The following KIF18A variants were observed in gnomAD, a reference collection of about 807,000 sequenced individuals.
KIF18A encodes kinesin-like protein KIF18A.
A neutral mutation model predicts 103.3 loss-of-function variants in KIF18A; 67 were observed. The ratio of observed to expected loss-of-function variants is 0.65; its 90% confidence interval spans 0.53 to 0.79. The LOEUF is 0.79. KIF18A is among the 30% of genes least tolerant of loss of function. The pLI, the probability that KIF18A is intolerant of heterozygous loss-of-function variation, is 0.00. For synonymous variants in KIF18A, 367 were observed against 355.5 expected (o/e 1.03, Z -0.36); for missense variants, 1,032 against 1,062.5 (o/e 0.97, Z 0.40).
intron 6 of KIF18A, among the ~76,000 whole-genome samples, chr11:28,086,354 C>A (rs1341981830): frequency 2.6e-5 from 4 of 152,058 alleles, no homozygotes; most frequent in African/African-American, 9.7e-5. Context: ...CCTGAAATCA[C>A]TATAGTGTTC....
intron 13 of KIF18A, among the ~76,000 whole-genome samples, chr11:28,058,237 CTGTT>C (rs1268096756): frequency 6.6e-6 from 1 of 151,834 alleles, no homozygotes; most frequent in East Asian, 1.9e-4. Context: ...AAACTCTACA[CTGTT>C]AGTTGATCTT....
Position 28,035,435 on chromosome 11 carries a change from G to A in KIF18A, c.2456C>T (p.Ser819Phe). Residue 819 changes from serine (S) to phenylalanine (F), a missense_variant, in exon 15 of 17, where the codon TCC becomes TTC. Ser to Phe is a radical substitution (Grantham distance 155, BLOSUM62 -2). Coordinates refer to ENST00000263181, the MANE Select transcript of KIF18A (RefSeq NM_031217.4). ...GGCAGCAGTAGTCATTGCCATGTAG[G>A]ATGGCACCATGCTTGGTACAGGCAT... is the stretch of plus-strand genomic sequence containing the variant. Reference protein sequence around the residue: ...HSMPVPSMVPSYMAMTTAAKR... With the variant: ...HSMPVPSMVPFYMAMTTAAKR... 1 of 1,603,330 alleles carries A rather than the reference G, an allele frequency of 6.2e-7. No homozygotes were observed. The highest frequency in any genetic ancestry group is 8.5e-7 in the Non-Finnish European group (1 of 1,173,828).
intron 11 of KIF18A, among the ~76,000 whole-genome samples, chr11:28,064,151 T>C (rs1304293895): frequency 6.6e-6 from 1 of 151,386 alleles, no homozygotes; most frequent in Non-Finnish European, 1.5e-5. Context: ...TATATTTATA[T>C]ATTAAAGTTA....
intron 9 of KIF18A, among the ~76,000 whole-genome samples, chr11:28,081,530 A>C (rs183626474): frequency 6.8e-4 from 104 of 152,224 alleles, no homozygotes; most frequent in African/African-American, 2.3e-3. Context: ...TTACTTAATA[A>C]TTTTAAGCCC....
At chr11:28,072,264 T>G (rs1477414329) in intron 10 of KIF18A, among the ~76,000 whole-genome samples, 1 of 152,210 alleles carries the variant, frequency 6.6e-6, no homozygotes, top group Admixed American at 6.5e-5. Context: ...TAGTTGTTAC[T>G]ACTGCTTTGT....
chr11:28,052,030 C>T (rs1036186732), intron 13 of KIF18A, among the ~76,000 whole-genome samples: 1 of 152,088 alleles, frequency 6.6e-6, no homozygotes, highest in African/African-American at 2.4e-5. Context: ...ATTTCTTTCT[C>T]TCCTATTCCA....
intron 1 of KIF18A, among the ~76,000 whole-genome samples, chr11:28,098,851 AAAAC>A (rs1851409032): frequency 6.6e-6 from 1 of 151,942 alleles, no homozygotes; most frequent in Non-Finnish European, 1.5e-5. Flanking sequence ...CCAAAACAAA[AAAAC>A]AAACAACAAC....
chr11:28,088,896 A>C (rs1851266771), intron 5 of KIF18A, among the ~76,000 whole-genome samples, 175 bp from the exon 6 acceptor site: 1 of 152,230 alleles, frequency 6.6e-6, no homozygotes, highest in Non-Finnish European at 1.5e-5. Flanking sequence ...ATAGCTGAGA[A>C]AAATATAAAA....
intron 16 of KIF18A, 133 bp from the exon 17 acceptor site, chr11:28,021,415 A>T (rs1424817735): frequency 2.6e-6 from 2 of 775,134 alleles, no homozygotes; most frequent in African/African-American, 1.8e-5. Context: ...TAGTTAACAT[A>T]ATTTAAAATA....
intron 13 of KIF18A, among the ~76,000 whole-genome samples, chr11:28,053,624 A>G (rs955939620): frequency 5.4e-5 from 8 of 147,310 alleles, no homozygotes; most frequent in Admixed American, 2.1e-4. Flanking sequence ...ATTTAACATT[A>G]GGTATACCTC....
chr11:28,059,881 T>C (rs549334511), intron 12 of KIF18A, among the ~76,000 whole-genome samples: 1 of 152,054 alleles, frequency 6.6e-6, no homozygotes, highest in Admixed American at 6.5e-5. Context: ...GTATACAACA[T>C]TAAAACACAC....
chr11:28,034,258 T>C (rs927469611), intron 15 of KIF18A, among the ~76,000 whole-genome samples: 42 of 151,918 alleles, frequency 2.8e-4, no homozygotes, highest in African/African-American at 9.6e-4. Context: ...ATGATGTTTT[T>C]TTCTCTTAAT....
In KIF18A at chr11:28,084,727, T is replaced by C. The variant is rs1290445676; in HGVS notation, c.979A>G (p.Ile327Val). ...KDSLGGNCQTIMIAAVSPSSV... is the reference protein window; with the variant it reads ...KDSLGGNCQTVMIAAVSPSSV... ...GAAGGACTAACAGCAGCTATCATTA[T>C]AGTTTGACAGTTTCCTCCAAGAGAA... The change falls in exon 7 of 17, where the codon ATA becomes GTA. Residue 327 changes from isoleucine to valine, a missense_variant. By Grantham distance (29) the Ile-to-Val change is conservative. Transcript: ENST00000263181. 2.5e-6 allele frequency: 4 copies of C among 1,611,804 alleles called. No individual in the cohort carries two copies. Among genetic ancestry groups the C allele is most frequent in the Middle Eastern group, 1.6e-4 (1 of 6,078 alleles).
At chr11:28,041,855 T>C (rs1850564771) in intron 13 of KIF18A, among the ~76,000 whole-genome samples, 3 of 151,912 alleles carry the variant, frequency 2.0e-5, no homozygotes, top group South Asian at 4.1e-4. Context: ...ATATTAATTC[T>C]ACATAAGTAA....
chr11:28,063,845 CAG>C (rs1341122230), intron 11 of KIF18A, among the ~76,000 whole-genome samples: 1 of 151,796 alleles, frequency 6.6e-6, no homozygotes. Context: ...AAGTATTCTT[CAG>C]ATTCTTTTAA....
At chr11:28,046,348 A>G (rs1313686516) in intron 13 of KIF18A, among the ~76,000 whole-genome samples, 1 of 149,790 alleles carries the variant, frequency 6.7e-6, no homozygotes, top group East Asian at 2.0e-4. Context: ...CATATACACC[A>G]TGGAAGACTA....
In KIF18A at chr11:28,059,010, C is replaced by T. The variant is rs146974259; in HGVS notation, c.1864G>A (p.Glu622Lys). 2,904 of 1,613,958 alleles carry T rather than the reference C, an allele frequency of 1.8e-3. 21 individuals are homozygous for T. Among genetic ancestry groups the T allele is most frequent in the Non-Finnish European group, 1.4e-3 (1,703 of 1,179,952 alleles). Reference protein sequence around the residue: ...KVVVWADQTAEQPKQNDLPGI... With the variant: ...KVVVWADQTAKQPKQNDLPGI... ...GGTAGATCGTTTTGCTTTGGTTGTT[C>T]GGCAGTTTGGTCAGCCCAAACTACC... The change falls in exon 13 of 17, where the codon GAA becomes AAA. Residue 622 changes from glutamate (E) to lysine (K), a missense_variant. Coordinates refer to ENST00000263181, the MANE Select transcript of KIF18A (RefSeq NM_031217.4).
At chr11:28,066,217 A>T (rs1398316676) in intron 11 of KIF18A, among the ~76,000 whole-genome samples, 1 of 152,102 alleles carries the variant, frequency 6.6e-6, no homozygotes, top group Non-Finnish European at 1.5e-5. Context: ...ATAAACTATT[A>T]AATAATAAGT....
chr11:28,039,714 T>C (rs1017866276), intron 13 of KIF18A, among the ~76,000 whole-genome samples: 1 of 151,720 alleles, frequency 6.6e-6, no homozygotes, highest in Non-Finnish European at 1.5e-5. Flanking sequence ...GTAAAAGGAA[T>C]AGTGGTGTTA....
Sources: gnomAD v4.1 joint callset for allele counts (sites outside exome capture counted in the v4.1 genomes callset) on GRCh38, gnomAD v4.1.1 for gene constraint, MANE v1.5 for transcripts, NCBI Gene and HGNC (gene_info 2026-07-23, HGNC 2026-07-21) for gene names.